Variants in MTUS1 observed in about 807,000 individuals in gnomAD.
MTUS1 encodes the protein microtubule-associated tumor suppressor 1.
In MTUS1, 109 loss-of-function variants were observed where a neutral mutation model predicts 120.8. That is an observed-to-expected ratio of 0.90 (90% CI 0.77 to 1.06). The LOEUF is 1.06. MTUS1 is among the 50% of genes least tolerant of loss of function. The pLI is 0.00. For missense variants in MTUS1, 2,210 were observed against 1,486.3 expected (o/e 1.49, Z -8.01); for synonymous variants, 737 against 550.5 (o/e 1.34, Z -4.74).
rs75253845 is a variant in MTUS1, at chr8:17,754,555, A to G, written c.1253T>C (p.Met418Thr). 21 of 1,614,064 alleles carry G rather than the reference A, an allele frequency of 1.3e-5. No individual in the cohort carries two copies. The highest frequency in any genetic ancestry group is 1.6e-4 in the Middle Eastern group (1 of 6,084). The change falls in exon 2 of 15, where the codon ATG becomes ACG. Residue 418 changes from methionine (M) to threonine (T), a missense_variant. Coordinates refer to ENST00000693296, the MANE Select transcript of MTUS1 (RefSeq NM_001363059.2). ...SFGLTWDAND[M>T]VISTDKTMCM... is the part of the protein sequence containing the mutation. ...CATCGTTTTGTCTGTGCTAATGACC[A>G]TATCATTTGCATCCCAAGTCAGTCC...
At chr8:17,696,576 A>G (rs1406567132) in intron 6 of MTUS1, among the ~76,000 whole-genome samples, 4 of 152,220 alleles carry the variant, frequency 2.6e-5, no homozygotes, top group Non-Finnish European at 4.4e-5. Context: ...GGCCAACCCA[A>G]TGCCCTAAAA....
intron 12 of MTUS1, 140 bp from the exon 13 acceptor site, chr8:17,650,102 G>A: frequency 2.9e-6 from 2 of 679,574 alleles, no homozygotes; most frequent in Non-Finnish European, 2.6e-6. Flanking sequence ...CAAAGAAAGA[G>A]GTGAAAAACA....
intron 6 of MTUS1, among the ~76,000 whole-genome samples, chr8:17,695,846 A>G (rs1817833727): frequency 6.6e-6 from 1 of 152,224 alleles, no homozygotes; most frequent in Non-Finnish European, 1.5e-5. Context: ...ATGTGACTGG[A>G]AACGTGCAAG....
rs555377725 is a variant in MTUS1, at chr8:17,697,528, T to C, written c.2624-12986A>G. 6.0e-5 allele frequency: 85 copies of C among 1,415,656 alleles called. 1 individual carries two copies. The South Asian group carries it at 8.4e-4, about 14-fold the overall frequency. The allele number at this position is 1,415,656 out of a possible 1,614,324, so 87.7% of individuals were successfully genotyped here. A position where few individuals can be genotyped will look rare whatever the true frequency, so the allele number is the denominator to read the frequency against. ...CAAATGTCATTCCACCAGAGAGGCATAGAAGAAAAAAATCCCCCAGGGCTG... is the reference window on the plus strand; with the variant it reads ...CAAATGTCATTCCACCAGAGAGGCACAGAAGAAAAAAATCCCCCAGGGCTG... On this transcript the variant is annotated intron_variant, in intron 6 of 14. Coordinates refer to ENST00000693296, the MANE Select transcript of MTUS1 (RefSeq NM_001363059.2).
chr8:17,714,039 T>G (rs1267759864), intron 5 of MTUS1, among the ~76,000 whole-genome samples: 2 of 152,216 alleles, frequency 1.3e-5, no homozygotes, highest in Non-Finnish European at 2.9e-5. Flanking sequence ...GTTATTTTAG[T>G]ATCAAAGTTC....
chr8:17,666,016 C>A (rs1009345937), intron 8 of MTUS1, among the ~76,000 whole-genome samples: 1 of 151,996 alleles, frequency 6.6e-6, no homozygotes, highest in African/African-American at 2.4e-5. Context: ...TCCTCCCACC[C>A]TTGAAGAGAA....
chr8:17,726,536 A>G (rs1234523099), intron 3 of MTUS1, among the ~76,000 whole-genome samples: 3 of 152,218 alleles, frequency 2.0e-5, no homozygotes, highest in Non-Finnish European at 4.4e-5. Context: ...TGCCAACAGT[A>G]AATGATGTAT....
chr8:17,795,853 C>G (rs1451570733), intron 1 of MTUS1, among the ~76,000 whole-genome samples: 2 of 151,990 alleles, frequency 1.3e-5, no homozygotes, highest in Admixed American at 6.5e-5. Flanking sequence ...CCAAGCTGGT[C>G]TCAAACTCCT....
At chr8:17,774,464 A>G (rs2050257769) in intron 1 of MTUS1, among the ~76,000 whole-genome samples, 1 of 152,222 alleles carries the variant, frequency 6.6e-6, no homozygotes, top group African/African-American at 2.4e-5. Flanking sequence ...AAGGAAGCGG[A>G]GGTGATGCCA....
chr8:17,681,432 G>C (rs182128557), intron 7 of MTUS1: 135 of 152,866 alleles, frequency 8.8e-4, no homozygotes, highest in African/African-American at 3.1e-3. Flanking sequence ...CTAGACCTAG[G>C]TTTACGTCCT....
intron 1 of MTUS1, among the ~76,000 whole-genome samples, chr8:17,760,919 A>G (rs993676072): frequency 6.6e-6 from 1 of 152,192 alleles, no homozygotes; most frequent in Non-Finnish European, 1.5e-5. Flanking sequence ...AGAACAAGGT[A>G]TAACACCAGA....
chr8:17,801,516 C>G (rs960624606), upstream of MTUS1: 1 of 152,212 alleles, frequency 6.6e-6, no homozygotes, highest in African/African-American at 2.4e-5. Flanking sequence ...GCTCTCGGGT[C>G]CCAATCCCGA....
intron 8 of MTUS1, among the ~76,000 whole-genome samples, chr8:17,670,520 A>G (rs1177178530): frequency 2.0e-5 from 3 of 152,198 alleles, no homozygotes; most frequent in Non-Finnish European, 4.4e-5. Context: ...CTATCCAGTG[A>G]AAAAGATCAC....
intron 1 of MTUS1, among the ~76,000 whole-genome samples, chr8:17,783,428 G>T (rs555172908): frequency 6.6e-6 from 1 of 152,172 alleles, no homozygotes; most frequent in Non-Finnish European, 1.5e-5. Context: ...AGGACTGGCC[G>T]CTATTTGCCT....
intron 8 of MTUS1, among the ~76,000 whole-genome samples, chr8:17,665,066 T>C (rs964937464): frequency 2.0e-5 from 3 of 152,216 alleles, no homozygotes; most frequent in African/African-American, 7.2e-5. Flanking sequence ...GAGTTACTCT[T>C]ATGCTTTGTA....
At chr8:17,684,259 G>A in intron 7 of MTUS1, 69 bp downstream of exon 7, 1 of 1,114,868 alleles carries the variant, frequency 9.0e-7, no homozygotes, top group Admixed American at 1.7e-5. Flanking sequence ...AGGCCAGCGT[G>A]TGAGCAAGTC....
chr8:17,751,862 T>TAAAAAAAAAAAAA (rs56362055), intron 2 of MTUS1, among the ~76,000 whole-genome samples: 1 of 96,542 alleles, frequency 1.0e-5, no homozygotes, highest in Non-Finnish European at 2.1e-5. Context: ...GACTCTGCCT[T>TAAAAAAAAAAAAA]AAAAAAAAAA....
intron 1 of MTUS1, among the ~76,000 whole-genome samples, chr8:17,783,637 A>T (rs927536824): frequency 2.0e-5 from 3 of 152,106 alleles, no homozygotes; most frequent in Non-Finnish European, 4.4e-5. Context: ...ACTGTGTTCA[A>T]CTCAGCCTGA....
chr8:17,708,004 T>G (rs1017889934), intron 6 of MTUS1, among the ~76,000 whole-genome samples: 4 of 152,042 alleles, frequency 2.6e-5, no homozygotes, highest in Non-Finnish European at 5.9e-5. Context: ...CAAAAAAAAC[T>G]TAAATGAAAA....
Sources: gnomAD v4.1 joint callset for allele counts (sites outside exome capture counted in the v4.1 genomes callset) on GRCh38, gnomAD v4.1.1 for gene constraint, MANE v1.5 for transcripts, NCBI Gene and HGNC (gene_info 2026-07-23, HGNC 2026-07-21) for gene names.